PM20D2: variants seen among roughly 807,000 people sequenced by gnomAD.
PM20D2 encodes xaa-Arg dipeptidase.
PM20D2 carries 33 observed loss-of-function variants against 42.9 expected under a neutral mutation model. The observed-to-expected ratio is 0.77, with a 90% CI of 0.58 to 1.03. The LOEUF (loss-of-function observed/expected upper bound fraction) is 1.03, where lower values mean the gene tolerates loss of function less well. PM20D2 is among the 50% of genes least tolerant of loss of function. The probability of loss-of-function intolerance (pLI) is 0.00; values close to 1 mark genes in which losing one functional copy is unlikely to be tolerated. For missense variants in PM20D2, 548 were observed against 557.0 expected (o/e 0.98, Z 0.16); for synonymous variants, 250 against 228.2 (o/e 1.10, Z -0.86).
rs1319361581 is a variant in PM20D2, at chr6:89,149,149, G to A, written c.466-116G>A. 3 of 1,293,560 alleles carry A rather than the reference G, an allele frequency of 2.3e-6. No individual in the cohort carries two copies. In the African/African-American group the frequency reaches 4.5e-5, roughly 19 times the overall value. 80.1% of individuals were successfully genotyped at this position (1,293,560 alleles called of 1,614,324 possible). A position where few individuals can be genotyped will look rare whatever the true frequency, so the allele number is the denominator to read the frequency against. The stretch of plus-strand genomic sequence containing the variant: ...GCGTAAGCGTCATAGAACAAAACCT[G>A]TCTTAATAGGTTAAGGACTTTAATG... On this transcript the variant is annotated intron_variant, in intron 1 of 6. Transcript: ENST00000275072.
chr6:89,132,329 C>G, the PM20D2 span, among the ~76,000 whole-genome samples: 1 of 144,922 alleles, frequency 6.9e-6, no homozygotes, highest in Non-Finnish European at 1.5e-5. Flanking sequence ...AAGCCACATT[C>G]ATTCACCTTC....
chr6:89,145,986 G>A (rs1358897725), upstream of PM20D2: 7 of 553,656 alleles, frequency 1.3e-5, no homozygotes, highest in Non-Finnish European at 1.9e-5. Flanking sequence ...GCGCGGCGCC[G>A]GGGGCGGCCC....
intron 4 of PM20D2, among the ~76,000 whole-genome samples, chr6:89,155,814 C>CA (rs1204862056): frequency 1.1e-4 from 16 of 151,884 alleles, no homozygotes; most frequent in Admixed American, 4.6e-4. Context: ...TGGGTTCAAG[C>CA]GATTCTTATG....
Position 89,146,267 on chromosome 6 carries a change from GAGCCGCGCGAT to G in PM20D2, c.124_134del (p.Ser42LeufsTer86), listed in dbSNP as rs1770543544. 1 of 1,580,680 alleles carries G rather than the reference GAGCCGCGCGAT, an allele frequency of 6.3e-7. No homozygotes were observed. Among genetic ancestry groups the G allele is most frequent in the Admixed American group, 1.7e-5 (1 of 58,078 alleles). On this transcript the variant is annotated frameshift_variant, in exon 1 of 7. Transcript: ENST00000275072. LOFTEE classifies it high-confidence loss of function. ...AGGCGGCCGAGCGGCTGGGGGCCCTGAGCCGCGCGATCTGGAGCCAGCCCGAGCTGGCCTAC... is the reference window on the plus strand; with the variant it reads ...AGGCGGCCGAGCGGCTGGGGGCCCTGCTGGAGCCAGCCCGAGCTGGCCTAC...
upstream of PM20D2, among the ~76,000 whole-genome samples, chr6:89,144,061 T>C (rs1048473590): frequency 3.9e-5 from 6 of 152,144 alleles, no homozygotes; most frequent in Non-Finnish European, 8.8e-5. Context: ...GTTATCACAG[T>C]TTATCAAATA....
the PM20D2 span, among the ~76,000 whole-genome samples, chr6:89,120,090 G>A: frequency 6.6e-6 from 1 of 152,168 alleles, no homozygotes; most frequent in Non-Finnish European, 1.5e-5. Flanking sequence ...ATCAGATCTC[G>A]TGAGACTTAT....
the PM20D2 span, among the ~76,000 whole-genome samples, chr6:89,100,558 T>G: frequency 6.7e-6 from 1 of 148,472 alleles, no homozygotes; most frequent in Non-Finnish European, 1.5e-5. Context: ...AACTAAAAAC[T>G]AAGGAAAATA....
the PM20D2 span, among the ~76,000 whole-genome samples, chr6:89,132,643 C>T: frequency 4.0e-5 from 6 of 149,374 alleles, no homozygotes; most frequent in Admixed American, 6.6e-5. Flanking sequence ...GTCAGGAGTT[C>T]GAGACCAGCC....
At chr6:89,107,930 G>A in the PM20D2 span, among the ~76,000 whole-genome samples, 1 of 152,124 alleles carries the variant, frequency 6.6e-6, no homozygotes, top group Non-Finnish European at 1.5e-5. Flanking sequence ...GACCTAATAA[G>A]TAATTGTTTC....
chr6:89,118,433 C>A, the PM20D2 span, among the ~76,000 whole-genome samples: 1 of 152,218 alleles, frequency 6.6e-6, no homozygotes, highest in Non-Finnish European at 1.5e-5. Flanking sequence ...AGGCCTCCTG[C>A]CCCTCTGGTC....
At chr6:89,117,981 C>G in the PM20D2 span, 5 of 1,351,818 alleles carry the variant, frequency 3.7e-6, no homozygotes, top group Admixed American at 2.6e-5. Flanking sequence ...GCTCCGCCGG[C>G]CCCCGGCGCG....
At chr6:89,150,628 A>G (rs1184997591) in intron 2 of PM20D2, among the ~76,000 whole-genome samples, 1 of 134,090 alleles carries the variant, frequency 7.5e-6, no homozygotes, top group Non-Finnish European at 1.5e-5. Context: ...CAACCTCCGC[A>G]TCCCAGGTTC....
chr6:89,155,453 A>G (rs1012060766), intron 4 of PM20D2, among the ~76,000 whole-genome samples: 1 of 151,344 alleles, frequency 6.6e-6, no homozygotes, highest in South Asian at 2.1e-4. Context: ...ACACGTGGCT[A>G]ATTTTTTGTA....
At chr6:89,100,282 T>A in the PM20D2 span, among the ~76,000 whole-genome samples, 2 of 151,972 alleles carry the variant, frequency 1.3e-5, no homozygotes, top group Non-Finnish European at 2.9e-5. Context: ...GAGTTCAAAC[T>A]CCCAAAAGGT....
In PM20D2 at chr6:89,162,379, A is replaced by G. The variant is rs1406362914; in HGVS notation, c.*116A>G. ...AAAGGAGTAAAATTCTTTTTACCTG[A>G]TAAGTGAGGACAGGGTGTGGAGAAA... On this transcript the variant is annotated 3_prime_UTR_variant, in exon 7 of 7. Coordinates refer to ENST00000275072, the MANE Select transcript of PM20D2 (RefSeq NM_001010853.3). 6 of 1,079,448 alleles carry G rather than the reference A, an allele frequency of 5.6e-6. No individual in the cohort carries two copies. Among genetic ancestry groups the G allele is most frequent in the Non-Finnish European group, 7.8e-6 (6 of 768,922 alleles). 66.9% of individuals were successfully genotyped at this position (1,079,448 alleles called of 1,614,324 possible).
chr6:89,131,508 C>T, the PM20D2 span, among the ~76,000 whole-genome samples: 1 of 147,202 alleles, frequency 6.8e-6, no homozygotes, highest in Admixed American at 7.0e-5. Context: ...GGCAACATAA[C>T]AAGACCCTGT....
chr6:89,134,341 G>C, the PM20D2 span, among the ~76,000 whole-genome samples: 2 of 150,900 alleles, frequency 1.3e-5, no homozygotes, highest in Non-Finnish European at 2.9e-5. Context: ...AGCTTCCTTC[G>C]GCCAAACACT....
rs1301465815 is a variant in PM20D2 at position 89,149,275 on chromosome 6, T to TG, written c.479dup (p.Thr161AsnfsTer12). 1 of 1,613,856 alleles carries TG rather than the reference T, an allele frequency of 6.2e-7. No individual in the cohort carries two copies. The highest frequency in any genetic ancestry group is 1.1e-5 in the South Asian group (1 of 91,006). The stretch of plus-strand genomic sequence containing the variant: ...AGTATTTCCTTCTAGGTAGTTGTCC[T>TG]GGGAACCCCTGCAGAAGAAGATGGT... On this transcript the variant is annotated frameshift_variant, in exon 2 of 7. Transcript: ENST00000275072. LOFTEE classifies it high-confidence loss of function.
chr6:89,114,319 T>C, the PM20D2 span, among the ~76,000 whole-genome samples: 1,142 of 152,140 alleles, frequency 7.5e-3, 16 homozygotes, highest in African/African-American at 0.026. Context: ...TCCCAGCTAC[T>C]CGGGAGGCTG....
Sources: allele counts gnomAD v4.1 joint callset (sites outside exome capture counted in the v4.1 genomes callset), GRCh38; gene constraint gnomAD v4.1.1; transcripts MANE v1.5; gene names NCBI Gene and HGNC (gene_info 2026-07-23, HGNC 2026-07-21).